SNTG1: variants seen among roughly 807,000 people sequenced by gnomAD.
SNTG1 encodes syntrophin gamma 1.
In SNTG1, 39 loss-of-function variants were observed where a neutral mutation model predicts 74.7. That is an observed-to-expected ratio of 0.52 (90% CI 0.40 to 0.68). The LOEUF is 0.68. SNTG1 is among the 30% of genes least tolerant of loss of function. SNTG1 has a pLI of 0.00. For synonymous variants in SNTG1, 254 were observed against 217.1 expected (o/e 1.17, Z -1.49); for missense variants, 685 against 609.5 (o/e 1.12, Z -1.30).
At chr8:50,354,516 G>T (rs2091763596) in intron 2 of SNTG1, among the ~76,000 whole-genome samples, 1 of 152,116 alleles carries the variant, frequency 6.6e-6, no homozygotes, top group South Asian at 2.1e-4. Flanking sequence ...CTACAATTAT[G>T]TATTGTTTCA....
rs140928306 is a variant in SNTG1, at chr8:50,602,509, G to A, written c.849+11592G>A. On this transcript the variant is annotated intron_variant, in intron 13 of 18. Coordinates refer to ENST00000642720, the MANE Select transcript of SNTG1 (RefSeq NM_018967.5). Reference sequence around the variant, plus strand: ...TTATTTTTGATTGGTTTATCATTTAGTCTTTCTACTTAAGATGAATAGTTT... The same window carrying A: ...TTATTTTTGATTGGTTTATCATTTAATCTTTCTACTTAAGATGAATAGTTT... 3.9e-3 allele frequency among the ~76,000 whole-genome samples: 588 copies of A among 152,180 alleles called. 4 individuals carry two copies. Among genetic ancestry groups the A allele is most frequent in the African/African-American group, 0.013 (548 of 41,528 alleles).
intron 17 of SNTG1, among the ~76,000 whole-genome samples, chr8:50,722,996 C>T (rs2131596174): frequency 6.6e-6 from 1 of 152,214 alleles, no homozygotes; most frequent in African/African-American, 2.4e-5. Context: ...TATTTTATCA[C>T]TTCTCAACTT....
intron 8 of SNTG1, among the ~76,000 whole-genome samples, chr8:50,467,380 C>T (rs1032630649): frequency 5.3e-5 from 8 of 151,660 alleles, no homozygotes; most frequent in African/African-American, 1.9e-4. Flanking sequence ...TTTCTTCTTG[C>T]GGAAATTTAC....
intron 1 of SNTG1, among the ~76,000 whole-genome samples, chr8:50,103,365 T>G (rs1358483328): frequency 6.6e-6 from 1 of 152,198 alleles, no homozygotes; most frequent in Admixed American, 6.5e-5. Context: ...TCTGTTTGTC[T>G]GTTGTTGGTG....
Position 50,076,007 on chromosome 8 carries a change from C to G in SNTG1, c.-102-96554C>G, listed in dbSNP as rs201431371. On this transcript the variant is annotated intron_variant, in intron 1 of 18. Coordinates refer to ENST00000642720, the MANE Select transcript of SNTG1 (RefSeq NM_018967.5). Reference sequence around the variant, plus strand: ...CAGTGAGACCAAGAAACCACCCCTTCCAGACACAACATAACAGATCATACA... The same window carrying G: ...CAGTGAGACCAAGAAACCACCCCTTGCAGACACAACATAACAGATCATACA... Among the ~76,000 whole-genome samples, 8 of 152,292 alleles carry G rather than the reference C, an allele frequency of 5.3e-5. No homozygotes were observed. In the East Asian group the frequency reaches 1.5e-3, roughly 29 times the overall value.
At chr8:50,091,217 G>T (rs1019502192) in intron 1 of SNTG1, among the ~76,000 whole-genome samples, 2 of 151,802 alleles carry the variant, frequency 1.3e-5, no homozygotes, top group Admixed American at 1.3e-4. Flanking sequence ...ATACTTACAC[G>T]TGGTAAAATG....
At chr8:50,254,462 T>G (rs1365926796) in intron 2 of SNTG1, among the ~76,000 whole-genome samples, 1 of 152,216 alleles carries the variant, frequency 6.6e-6, no homozygotes, top group Non-Finnish European at 1.5e-5. Flanking sequence ...TTAAACTCCT[T>G]GGTAATTTTT....
rs781024029 is a variant in SNTG1, at chr8:50,536,703, C to G, written c.575C>G (p.Pro192Arg). The G allele has an allele frequency of 2.5e-6, 4 of 1,613,688 alleles. No homozygotes were observed. The African/African-American group carries it at 4.0e-5, about 16-fold the overall frequency. Residue 192 changes from proline (P) to arginine (R), a missense_variant, in exon 11 of 19, where the codon CCG becomes CGG. Physicochemically the swap from Pro to Arg is moderately radical, Grantham distance 103. Coordinates refer to ENST00000642720, the MANE Select transcript of SNTG1 (RefSeq NM_018967.5). ...GACACATTATCATGCTCGTCGTGGC[C>G]GACGTCTCCAGGCTTGAGGTGGGAG... Reference protein sequence around the residue: ...NTDTLSCSSWPTSPGLRWEKR... With the variant: ...NTDTLSCSSWRTSPGLRWEKR...
At chr8:49,922,134 G>A (rs1001921274) in intron 1 of SNTG1, among the ~76,000 whole-genome samples, 1 of 152,022 alleles carries the variant, frequency 6.6e-6, no homozygotes, top group Non-Finnish European at 1.5e-5. Context: ...TCTCACTGCG[G>A]CTCAATGACC....
At position 49,941,477 on chromosome 8, in the gene SNTG1, TA is replaced by T. The variant is rs1383223616; in HGVS notation, c.-103+29248del. ...ATATTATATTAATATATATTTACAT[TA>T]ATTTATATACATTATATATTTATAT... On this transcript the variant is annotated intron_variant, in intron 1 of 18. Coordinates refer to ENST00000642720, the MANE Select transcript of SNTG1 (RefSeq NM_018967.5). Among the ~76,000 whole-genome samples the T allele has an allele frequency of 6.1e-4, 90 of 148,158 alleles. 1 individual carries two copies. The highest frequency in any genetic ancestry group is 6.0e-3 in the Admixed American group (89 of 14,822).
chr8:50,100,986 G>A (rs938674197), intron 1 of SNTG1, among the ~76,000 whole-genome samples: 24 of 151,956 alleles, frequency 1.6e-4, no homozygotes, highest in African/African-American at 5.1e-4. Flanking sequence ...TTGTGTCCAC[G>A]TGTATTCAAT....
At chr8:50,746,978 T>G (rs909490917) in intron 17 of SNTG1, among the ~76,000 whole-genome samples, 2 of 151,218 alleles carry the variant, frequency 1.3e-5, no homozygotes, top group Non-Finnish European at 3.0e-5. Context: ...AATGCAAGTT[T>G]ACTTTTTTTT....
At chr8:50,749,683 C>A (rs1340136241) in intron 17 of SNTG1, among the ~76,000 whole-genome samples, 1 of 151,970 alleles carries the variant, frequency 6.6e-6, no homozygotes, top group Admixed American at 6.6e-5. Context: ...TGTGCTAAAT[C>A]TACCCTACCT....
intron 2 of SNTG1, among the ~76,000 whole-genome samples, chr8:50,306,877 C>T (rs543532597): frequency 2.6e-5 from 4 of 151,894 alleles, no homozygotes; most frequent in African/African-American, 4.8e-5. Context: ...CATGCGGAAG[C>T]TTTCTAATGT....
At chr8:50,523,498 G>T (rs1312874827) in intron 9 of SNTG1, among the ~76,000 whole-genome samples, 1 of 152,028 alleles carries the variant, frequency 6.6e-6, no homozygotes, top group African/African-American at 2.4e-5. Context: ...GTTATTCTTT[G>T]TTCTAATTTC....
At chr8:50,681,883 A>G (rs1458372949) in intron 15 of SNTG1, among the ~76,000 whole-genome samples, 1 of 152,142 alleles carries the variant, frequency 6.6e-6, no homozygotes. Flanking sequence ...CCAACACAAC[A>G]TGTCCTCTGA....
intron 1 of SNTG1, among the ~76,000 whole-genome samples, chr8:50,062,905 A>G (rs1315230342): frequency 6.6e-6 from 1 of 152,240 alleles, no homozygotes; most frequent in Admixed American, 6.5e-5. Flanking sequence ...TAGTCAAATT[A>G]AGGAAAGTGA....
chr8:50,217,322 G>T (rs1394722870), intron 2 of SNTG1, among the ~76,000 whole-genome samples: 2 of 151,708 alleles, frequency 1.3e-5, no homozygotes, highest in Admixed American at 6.6e-5. Context: ...TTAATGAAGG[G>T]GAGTCATTTT....
intron 8 of SNTG1, among the ~76,000 whole-genome samples, chr8:50,473,613 TC>T (rs1415639560): frequency 6.6e-6 from 1 of 152,156 alleles, no homozygotes; most frequent in Non-Finnish European, 1.5e-5. Flanking sequence ...ATGCTTGCAA[TC>T]CCATGTTCAT....
Sources: gnomAD v4.1 joint callset for allele counts (sites outside exome capture counted in the v4.1 genomes callset) on GRCh38, gnomAD v4.1.1 for gene constraint, MANE v1.5 for transcripts, NCBI Gene and HGNC (gene_info 2026-07-23, HGNC 2026-07-21) for gene names.